DOCK10: variants seen among roughly 807,000 people sequenced by gnomAD.
DOCK10 encodes dedicator of cytokinesis 10.
DOCK10 carries 145 observed loss-of-function variants against 280.1 expected under a neutral mutation model. That is an observed-to-expected ratio of 0.52 (90% CI 0.45 to 0.59). DOCK10 has a LOEUF of 0.59. DOCK10 is among the 20% of genes least tolerant of loss of function. The pLI, the probability that DOCK10 is intolerant of heterozygous loss-of-function variation, is 0.00. For missense variants in DOCK10, 2,368 were observed against 2,651.7 expected (o/e 0.89, Z 2.35); for synonymous variants, 915 against 942.2 (o/e 0.97, Z 0.53).
intron 1 of DOCK10, 68 bp from the exon 2 acceptor site, chr2:224,931,736 A>C: frequency 6.8e-7 from 1 of 1,472,328 alleles, no homozygotes; most frequent in Admixed American, 2.3e-5. Flanking sequence ...GCCTGGTTGG[A>C]TTTCATCTCT....
chr2:224,828,377 G>C (rs1319430623), intron 27 of DOCK10, among the ~76,000 whole-genome samples: 2 of 152,174 alleles, frequency 1.3e-5, no homozygotes, highest in Non-Finnish European at 2.9e-5. Flanking sequence ...GGGTTGCTCT[G>C]AGAATCTAGA....
intron 53 of DOCK10, among the ~76,000 whole-genome samples, chr2:224,772,533 A>G (rs1690521815): frequency 1.3e-5 from 2 of 151,996 alleles, no homozygotes; most frequent in African/African-American, 4.8e-5. Context: ...TGGACCTCTC[A>G]GCTCCCCTGT....
At chr2:224,796,492 T>C in intron 43 of DOCK10, 66 bp from the exon 44 acceptor site, 1 of 986,838 alleles carries the variant, frequency 1.0e-6, no homozygotes, top group Non-Finnish European at 1.5e-6. Flanking sequence ...AGAAATCCAC[T>C]GGGCTGGGTA....
chr2:224,774,751 T>C (rs554989214), intron 52 of DOCK10, among the ~76,000 whole-genome samples, 154 bp downstream of exon 52: 1 of 152,222 alleles, frequency 6.6e-6, no homozygotes, highest in Non-Finnish European at 1.5e-5. Context: ...AATAAAGAGA[T>C]GGAAATCTCT....
At chr2:225,021,687 A>G (rs1689787462) in intron 1 of DOCK10, among the ~76,000 whole-genome samples, 1 of 152,178 alleles carries the variant, frequency 6.6e-6, no homozygotes. Context: ...AGTTGGGACA[A>G]AAGCTAGAAG....
chr2:224,859,526 T>A (rs1697365117), intron 14 of DOCK10, among the ~76,000 whole-genome samples: 1 of 152,232 alleles, frequency 6.6e-6, no homozygotes, highest in Non-Finnish European at 1.5e-5. Flanking sequence ...GTACTGCAGC[T>A]GGTGCCAAAT....
In DOCK10 at chr2:224,916,709, A is replaced by C; in HGVS notation, c.319T>G (p.Leu107Val). 1.4e-5 allele frequency: 23 copies of C among 1,609,570 alleles called. No homozygotes were observed. Among genetic ancestry groups the C allele is most frequent in the Non-Finnish European group, 2.0e-5 (23 of 1,177,726 alleles). ...PEDAEHKAEN[L>V]LVKEACKFYS... is the part of the protein sequence containing the mutation. ...ATCACATTTACCTCCTTAACCAGTA[A>C]ATTTTCTGCCTTGTGCTCTGCATCT... The change falls in exon 3 of 56, where the codon TTA (leucine) becomes GTA (valine). Residue 107 changes from leucine to valine, a missense_variant. Around this residue, in one of 2 missense-constraint regions of DOCK10, gnomAD observed 1,209 missense variants for 1,250.9 expected, o/e 0.97. Coordinates refer to ENST00000258390, the MANE Select transcript of DOCK10 (RefSeq NM_014689.3).
intron 22 of DOCK10, among the ~76,000 whole-genome samples, chr2:224,844,253 C>T (rs1180673979): frequency 6.6e-6 from 1 of 152,184 alleles, no homozygotes; most frequent in Non-Finnish European, 1.5e-5. Context: ...GCCTCAGCCT[C>T]CCAAGTGGCT....
intron 8 of DOCK10, 111 bp from the exon 9 acceptor site, chr2:224,874,862 G>C (rs1698524169): frequency 1.1e-6 from 1 of 890,810 alleles, no homozygotes. Flanking sequence ...AGGGACGTTG[G>C]TGAGCCTAAG....
chr2:224,918,562 GGTGA>G (rs144158502), intron 2 of DOCK10, among the ~76,000 whole-genome samples: 34,314 of 149,690 alleles, frequency 0.23, 4,256 homozygotes, highest in Non-Finnish European at 0.28. Flanking sequence ...GAGTGTGTGT[GGTGA>G]GTGTGTATGT....
intron 1 of DOCK10, among the ~76,000 whole-genome samples, chr2:225,028,159 A>T (rs1032891478): frequency 9.9e-5 from 15 of 152,122 alleles, no homozygotes; most frequent in Non-Finnish European, 2.2e-4. Flanking sequence ...TGCAGATGGG[A>T]GATTGTCCTG....
intron 42 of DOCK10, 48 bp from the exon 43 acceptor site, chr2:224,797,194 G>T (rs1284346150): frequency 1.4e-6 from 2 of 1,423,024 alleles, no homozygotes; most frequent in Non-Finnish European, 1.9e-6. Context: ...CCTTCATTTT[G>T]CTCTGTTCAT....
In DOCK10 at chr2:224,793,457, C is replaced by T; in HGVS notation, c.5155G>A (p.Ala1719Thr). The T allele has an allele frequency of 6.2e-7, 1 of 1,612,606 alleles. No homozygotes were observed. The highest frequency in any genetic ancestry group is 1.1e-5 in the South Asian group (1 of 90,890). ...GCAATATGGATGTAACACATGGCAG[C>T]CTGTAATGAGAAAGAAAATAAAGAG... ...IHARNGDLSE[A>T]AMCYIHIAAL... Residue 1719 changes from alanine (A) to threonine (T), a missense_variant and splice_region_variant, in exon 46 of 56, where the codon GCT becomes ACT. Around this residue, in one of 2 missense-constraint regions of DOCK10, gnomAD observed 1,159 missense variants for 1,400.8 expected, o/e 0.83. Coordinates refer to ENST00000258390, the MANE Select transcript of DOCK10 (RefSeq NM_014689.3).
intron 1 of DOCK10, among the ~76,000 whole-genome samples, chr2:224,933,019 G>A (rs1250859885): frequency 6.6e-6 from 1 of 152,158 alleles, no homozygotes; most frequent in Non-Finnish European, 1.5e-5. Context: ...GAAACTAAGG[G>A]TAATGCCAGG....
At chr2:225,038,666 A>G (rs1690331798) in intron 1 of DOCK10, among the ~76,000 whole-genome samples, 1 of 152,246 alleles carries the variant, frequency 6.6e-6, no homozygotes, top group African/African-American at 2.4e-5. Context: ...ACAATTAAAA[A>G]GGAGTTGCAA....
intron 3 of DOCK10, among the ~76,000 whole-genome samples, chr2:224,909,807 T>TTTTTTTTTGTTTGTTTTTTGTTTTTTGAG (rs1553611074): frequency 2.6e-5 from 4 of 151,950 alleles, no homozygotes; most frequent in African/African-American, 9.7e-5. Flanking sequence ...TGCAGTGTTT[T>TTTTTTTTTGTTTGTTTTTTGTTTTTTGAG]AATGGATGTG....
chr2:224,864,521 G>T, intron 13 of DOCK10, 32 bp downstream of exon 13: 1 of 1,509,768 alleles, frequency 6.6e-7, no homozygotes, highest in South Asian at 1.3e-5. Context: ...AAAAAAAAAG[G>T]AAGTGAAGTT....
At position 225,042,441 on chromosome 2, in the gene DOCK10, T is replaced by C. The variant is rs1273212062; in HGVS notation, c.-67A>G. ...CCCGCCGGTCTTCCCCGCGCCAACCTTCTCTATCCACCCGCCGTTCAGGAA... is the reference window on the plus strand; with the variant it reads ...CCCGCCGGTCTTCCCCGCGCCAACCCTCTCTATCCACCCGCCGTTCAGGAA... On this transcript the variant is annotated 5_prime_UTR_variant, in exon 1 of 56. Coordinates refer to ENST00000258390, the MANE Select transcript of DOCK10 (RefSeq NM_014689.3). This position sits in a 1 kb window ranked among gnomAD's most constrained non-coding sequence, Gnocchi z 5.1. The C allele has an allele frequency of 1.6e-6, 2 of 1,223,570 alleles. No homozygotes were observed. The highest frequency in any genetic ancestry group is 3.3e-5 in the East Asian group (1 of 30,528). The allele number at this position is 1,223,570 out of a possible 1,614,324, so 75.8% of individuals were successfully genotyped here. A position where few individuals can be genotyped will look rare whatever the true frequency, so the allele number is the denominator to read the frequency against.
At chr2:225,035,978 C>A (rs602291) in intron 1 of DOCK10, among the ~76,000 whole-genome samples, 125,625 of 151,898 alleles carry the variant, frequency 0.83, 52,133 homozygotes, top group Middle Eastern at 0.89. Flanking sequence ...ACCTCCTAAC[C>A]GCATCATATA....
Sources: allele counts gnomAD v4.1 joint callset (sites outside exome capture counted in the v4.1 genomes callset), GRCh38; gene constraint gnomAD v4.1.1; regional missense constraint gnomAD v4.1.1; non-coding constraint Gnocchi (gnomAD v3.1); transcripts MANE v1.5; gene names NCBI Gene and HGNC (gene_info 2026-07-23, HGNC 2026-07-21).